ZNF536: variants seen among roughly 807,000 people sequenced by gnomAD.
The protein encoded by ZNF536 is zinc finger protein 536.
A neutral mutation model predicts 84.5 loss-of-function variants in ZNF536; 13 were observed. That is an observed-to-expected ratio of 0.15 (90% CI 0.10 to 0.24). The LOEUF (loss-of-function observed/expected upper bound fraction) is 0.24. Among genes scored for constraint, ZNF536 ranks in the 10% least tolerant of loss-of-function variants. The probability of loss-of-function intolerance (pLI) is 1.00; values close to 1 mark genes in which losing one functional copy is unlikely to be tolerated. For missense variants in ZNF536, 1,536 were observed against 1,747.5 expected, an observed-to-expected ratio of 0.88 and a Z score of 2.16; for synonymous variants, 811 against 742.5, an observed-to-expected ratio of 1.09 and a Z score of -1.50.
intron 2 of ZNF536, among the ~76,000 whole-genome samples, chr19:30,477,229 T>C (rs532517381): frequency 6.6e-6 from 1 of 152,328 alleles, no homozygotes; most frequent in Non-Finnish European, 1.5e-5. Context: ...TTTGGTATTC[T>C]TTTATTTCCA....
At chr19:30,389,966 C>A (rs978933569) in intron 1 of ZNF536, among the ~76,000 whole-genome samples, 2 of 152,224 alleles carry the variant, frequency 1.3e-5, no homozygotes, top group African/African-American at 4.8e-5. Flanking sequence ...CCTAAGATTT[C>A]TCAAATGGCT....
rs2046958117 is a variant in ZNF536 at position 30,324,456 on chromosome 19, C to G, written c.-119-27912C>G. ...GGAGTGCACTGGCACTATCATGGCT[C>G]TCTGCAGTCTTGACCTCCCAGGCTC... is the stretch of plus-strand genomic sequence containing the variant. On this transcript the variant is annotated intron_variant, in intron 2 of 5. Transcript: ENST00000585628. 5.3e-5 allele frequency among the ~76,000 whole-genome samples: 8 copies of G among 152,234 alleles called. No homozygotes were observed. In the South Asian group the frequency reaches 1.7e-3, roughly 31 times the overall value.
At chr19:30,298,243 G>T (rs1056976355) in intron 2 of ZNF536, among the ~76,000 whole-genome samples, 2 of 152,074 alleles carry the variant, frequency 1.3e-5, no homozygotes, top group Non-Finnish European at 2.9e-5. Flanking sequence ...AGAATAGCGG[G>T]CTAATTCCAG....
At chr19:30,526,325 G>A (rs2044573638) in intron 2 of ZNF536, among the ~76,000 whole-genome samples, 1 of 152,228 alleles carries the variant, frequency 6.6e-6, no homozygotes, top group Non-Finnish European at 1.5e-5. Context: ...GTCTGCGGAT[G>A]ACAGGGGATG....
intron 2 of ZNF536, among the ~76,000 whole-genome samples, chr19:30,298,160 G>T (rs539093213): frequency 1.9e-4 from 29 of 152,292 alleles, no homozygotes; most frequent in African/African-American, 6.5e-4. Context: ...TTACAGGTGT[G>T]AGCCACCTCG....
intron 2 of ZNF536, among the ~76,000 whole-genome samples, chr19:30,522,576 C>G (rs2044404782): frequency 6.6e-6 from 1 of 151,880 alleles, no homozygotes; most frequent in Non-Finnish European, 1.5e-5. Context: ...TACATGCGAC[C>G]CTCTAAAACA....
rs145758190 is a variant in ZNF536, at chr19:30,500,015, C to T, written c.2171-34832C>T. ...TCCAAAGCCAAGATAGCATTCCCTC[C>T]AGAAGTACTCCCAAGCTCACCTTTA... On this transcript the variant is annotated intron_variant, in intron 2 of 4. Transcript: ENST00000355537. Among the ~76,000 whole-genome samples the T allele has an allele frequency of 2.9e-3, 448 of 152,350 alleles. 2 individuals are homozygous for T. The highest frequency in any genetic ancestry group is 5.2e-3 in the Non-Finnish European group (351 of 68,028).
chr19:30,527,281 C>T (rs913017585), intron 2 of ZNF536, among the ~76,000 whole-genome samples: 2 of 144,070 alleles, frequency 1.4e-5, no homozygotes, highest in Non-Finnish European at 3.0e-5. Context: ...ACCTACTTCC[C>T]CAATTCCAGA....
chr19:30,377,149 CAGACT>C (rs1216572290), intron 1 of ZNF536, among the ~76,000 whole-genome samples: 1 of 152,164 alleles, frequency 6.6e-6, no homozygotes, highest in African/African-American at 2.4e-5. Context: ...CAACTGTCTC[CAGACT>C]TGCCCACTAG....
intron 1 of ZNF536, among the ~76,000 whole-genome samples, chr19:30,681,339 C>G (rs151076618): frequency 6.6e-6 from 1 of 152,238 alleles, no homozygotes; most frequent in East Asian, 1.9e-4. Context: ...AAGTTTGAGT[C>G]AACAGGCAGC....
At chr19:30,240,559 A>C (rs575732624) in intron 1 of ZNF536, among the ~76,000 whole-genome samples, 5 of 152,234 alleles carry the variant, frequency 3.3e-5, no homozygotes, top group Admixed American at 3.3e-4. Flanking sequence ...GTGCCATCGC[A>C]TTGCTGCACT....
chr19:30,416,074 T>A (rs2050718703), intron 1 of ZNF536, among the ~76,000 whole-genome samples: 3 of 152,226 alleles, frequency 2.0e-5, no homozygotes, highest in Non-Finnish European at 4.4e-5. Context: ...ATGTCAGGAA[T>A]TTGGCTGGGA....
intron 2 of ZNF536, among the ~76,000 whole-genome samples, chr19:30,350,237 C>T (rs55751608): frequency 0.089 from 13,555 of 152,194 alleles, 726 homozygotes; most frequent in Non-Finnish European, 0.13. Context: ...TTTCAAATTT[C>T]GGCGTTTAAG....
intron 2 of ZNF536, among the ~76,000 whole-genome samples, chr19:30,307,473 A>G (rs1260678267): frequency 1.3e-5 from 2 of 151,422 alleles, no homozygotes; most frequent in Non-Finnish European, 2.9e-5. Context: ...TTGTTTCCTC[A>G]TTGGAAACTC....
intron 1 of ZNF536, among the ~76,000 whole-genome samples, chr19:30,670,283 A>C (rs949189721): frequency 6.6e-6 from 1 of 152,050 alleles, no homozygotes; most frequent in African/African-American, 2.4e-5. Context: ...CGCTTAGTGC[A>C]CTGGGATCAG....
chr19:30,496,876 A>G (rs900071626), intron 2 of ZNF536, among the ~76,000 whole-genome samples: 2 of 152,022 alleles, frequency 1.3e-5, no homozygotes, highest in South Asian at 4.2e-4. Context: ...CTGTGCCACT[A>G]TTCTGTGTAA....
At chr19:30,593,380 T>C (rs2047339711) in intron 1 of ZNF536, among the ~76,000 whole-genome samples, 1 of 152,120 alleles carries the variant, frequency 6.6e-6, no homozygotes, top group African/African-American at 2.4e-5. Context: ...ATTGCCCGAT[T>C]TTTCAGAGAG....
intron 2 of ZNF536, among the ~76,000 whole-genome samples, chr19:30,485,113 C>T (rs1308405153): frequency 6.6e-6 from 1 of 151,886 alleles, no homozygotes; most frequent in Admixed American, 6.6e-5. Flanking sequence ...CACTGCACTC[C>T]AGCCTGGGCG....
At chr19:30,566,569 G>A (rs1057208384) in intron 1 of ZNF536, among the ~76,000 whole-genome samples, 25 of 152,252 alleles carry the variant, frequency 1.6e-4, no homozygotes, top group Non-Finnish European at 1.0e-4. Context: ...AAGATCACTC[G>A]CATGTAAACA....
Sources: allele counts gnomAD v4.1 joint callset (sites outside exome capture counted in the v4.1 genomes callset), GRCh38; gene constraint gnomAD v4.1.1; transcripts MANE v1.5; gene names NCBI Gene and HGNC (gene_info 2026-07-23, HGNC 2026-07-21).